FSHR: variants seen among roughly 807,000 people sequenced by gnomAD.
FSHR encodes the protein follicle stimulating hormone receptor.
FSHR carries 46 observed loss-of-function variants against 52.1 expected under a neutral mutation model. The observed-to-expected ratio is 0.88, with a 90% confidence interval of 0.70 to 1.13. The LOEUF (loss-of-function observed/expected upper bound fraction) is 1.13, where lower values mean the gene tolerates loss of function less well. Among genes scored for constraint, FSHR ranks in the 50% most tolerant of loss-of-function variants. The pLI, the probability that FSHR is intolerant of heterozygous loss-of-function variation, is 0.00. For missense variants in FSHR, 964 were observed against 834.6 expected (o/e 1.16, Z -1.91); for synonymous variants, 399 against 309.6 (o/e 1.29, Z -3.03).
intron 2 of FSHR, among the ~76,000 whole-genome samples, chr2:49,066,561 T>G: frequency 6.6e-6 from 1 of 152,224 alleles, no homozygotes; most frequent in East Asian, 1.9e-4. Context: ...ATCAATTTTA[T>G]TTTGGTGTAT....
intron 4 of FSHR, among the ~76,000 whole-genome samples, chr2:48,995,658 G>C (rs1221459316): frequency 6.6e-6 from 1 of 152,086 alleles, no homozygotes; most frequent in African/African-American, 2.4e-5. Flanking sequence ...AAGACTTGAG[G>C]GTTCCCTGAG....
At chr2:49,013,529 A>AT (rs1553333477) in intron 4 of FSHR, among the ~76,000 whole-genome samples, 2 of 142,382 alleles carry the variant, frequency 1.4e-5, no homozygotes, top group African/African-American at 2.6e-5. Context: ...TATATATAAA[A>AT]ATATATATAT....
chr2:48,966,207 G>A (rs1168945442), intron 9 of FSHR, among the ~76,000 whole-genome samples: 1 of 152,206 alleles, frequency 6.6e-6, no homozygotes, highest in East Asian at 1.9e-4. Context: ...AATGTCAGCA[G>A]TATGAAGACA....
chr2:48,995,231 G>C (rs1214629919), intron 4 of FSHR, among the ~76,000 whole-genome samples: 1 of 152,104 alleles, frequency 6.6e-6, no homozygotes, highest in Non-Finnish European at 1.5e-5. Context: ...GCCGGTTTCA[G>C]GGAGTTTGGG....
At chr2:49,060,898 C>G (rs1251371369) in intron 2 of FSHR, among the ~76,000 whole-genome samples, 1 of 152,108 alleles carries the variant, frequency 6.6e-6, no homozygotes, top group Non-Finnish European at 1.5e-5. Context: ...GTCTAGAATG[C>G]TGCTAAGCCC....
At chr2:49,058,815 A>G (rs1315164734) in intron 2 of FSHR, among the ~76,000 whole-genome samples, 1 of 152,244 alleles carries the variant, frequency 6.6e-6, no homozygotes, top group African/African-American at 2.4e-5. Flanking sequence ...ATACAAACCA[A>G]TGGAAAAACA....
At chr2:49,088,423 G>T (rs1490732075) in intron 1 of FSHR, among the ~76,000 whole-genome samples, 1 of 152,218 alleles carries the variant, frequency 6.6e-6, no homozygotes, top group Non-Finnish European at 1.5e-5. Context: ...TCTTCAGAAA[G>T]ACAGTCTGGT....
At chr2:49,124,984 T>G (rs1671948923) in intron 1 of FSHR, among the ~76,000 whole-genome samples, 1 of 152,226 alleles carries the variant, frequency 6.6e-6, no homozygotes, top group Admixed American at 6.5e-5. Flanking sequence ...TGTCACTAAC[T>G]TGTTTGTTGT....
chr2:49,049,659 C>T (rs750337643), intron 2 of FSHR, among the ~76,000 whole-genome samples: 10 of 151,992 alleles, frequency 6.6e-5, no homozygotes, highest in Non-Finnish European at 1.0e-4. Context: ...GTATTTTCTT[C>T]GTTGTAATCC....
At position 48,968,903 on chromosome 2, in the gene FSHR, A is replaced by G. The variant is rs1359008528; in HGVS notation, c.669-20T>C. ...ATATCTCTATAAAGAGAAAAGGTAAATATAACAGGATTACTATGGACCTAA... is the reference window on the plus strand; with the variant it reads ...ATATCTCTATAAAGAGAAAAGGTAAGTATAACAGGATTACTATGGACCTAA... On this transcript the variant is annotated intron_variant, in intron 8 of 9. Transcript: ENST00000406846. The G allele has an allele frequency of 1.2e-6, 2 of 1,607,966 alleles. No individual in the cohort carries two copies. The highest frequency in any genetic ancestry group is 1.7e-6 in the Non-Finnish European group (2 of 1,176,444).
At chr2:49,134,815 A>T (rs1166632253) in intron 1 of FSHR, among the ~76,000 whole-genome samples, 1 of 152,188 alleles carries the variant, frequency 6.6e-6, no homozygotes, top group African/African-American at 2.4e-5. Flanking sequence ...TATCGCAAGA[A>T]CAAAAAACCA....
chr2:49,013,973 T>C (rs1243413132), intron 4 of FSHR, among the ~76,000 whole-genome samples: 2 of 152,066 alleles, frequency 1.3e-5, no homozygotes, highest in Non-Finnish European at 2.9e-5. Flanking sequence ...GGTAAGGCCA[T>C]GTGCATATAC....
chr2:49,109,211 T>C (rs1173932782), intron 1 of FSHR, among the ~76,000 whole-genome samples: 1 of 152,108 alleles, frequency 6.6e-6, no homozygotes, highest in Non-Finnish European at 1.5e-5. Flanking sequence ...AAGGGCAAAG[T>C]TAAGAACTTT....
intron 1 of FSHR, among the ~76,000 whole-genome samples, chr2:49,102,275 CT>C (rs1304269171): frequency 2.0e-5 from 3 of 152,096 alleles, no homozygotes; most frequent in Non-Finnish European, 4.4e-5. Flanking sequence ...AGTCATCCTC[CT>C]TTGGGACTTT....
intron 1 of FSHR, among the ~76,000 whole-genome samples, chr2:49,128,678 CTTT>C (rs35670931): frequency 8.1e-5 from 12 of 148,138 alleles, no homozygotes; most frequent in East Asian, 5.9e-4. Flanking sequence ...GTTGAATAGT[CTTT>C]TTTTTTTTTC....
intron 1 of FSHR, among the ~76,000 whole-genome samples, chr2:49,151,941 C>T (rs1673077912): frequency 6.6e-6 from 1 of 152,108 alleles, no homozygotes; most frequent in East Asian, 1.9e-4. Flanking sequence ...AAATAATTTT[C>T]CTTTTTTAAA....
chr2:49,011,362 G>C (rs545316412), intron 4 of FSHR, among the ~76,000 whole-genome samples: 2 of 152,174 alleles, frequency 1.3e-5, no homozygotes, highest in Admixed American at 1.3e-4. Flanking sequence ...TTAATCCTGA[G>C]TTCTAGTTTG....
At chr2:48,988,329 C>T (rs1479938912) in intron 6 of FSHR, among the ~76,000 whole-genome samples, 1 of 152,126 alleles carries the variant, frequency 6.6e-6, no homozygotes, top group East Asian at 1.9e-4. Context: ...TCATTCTGTG[C>T]ATCTAACTTT....
intron 1 of FSHR, among the ~76,000 whole-genome samples, chr2:49,077,675 A>C (rs1457123548): frequency 6.6e-6 from 1 of 152,134 alleles, no homozygotes; most frequent in African/African-American, 2.4e-5. Flanking sequence ...TATAAAACTG[A>C]ATGTCTTCAA....
Sources: allele counts gnomAD v4.1 joint callset (sites outside exome capture counted in the v4.1 genomes callset), GRCh38; gene constraint gnomAD v4.1.1; transcripts MANE v1.5; gene names NCBI Gene and HGNC (gene_info 2026-07-23, HGNC 2026-07-21).